PATL1: variants seen among roughly 807,000 people sequenced by gnomAD.
PATL1 encodes protein PAT1 homolog 1.
In PATL1, 32 loss-of-function variants were observed where a neutral mutation model predicts 100.6. The ratio of observed to expected loss-of-function variants is 0.32; its 90% CI spans 0.24 to 0.43. The LOEUF (loss-of-function observed/expected upper bound fraction) is 0.43, where lower values mean the gene tolerates loss of function less well. Among genes scored for constraint, PATL1 ranks in the 20% least tolerant of loss-of-function variants. The pLI is 1.00. For synonymous variants in PATL1, 332 were observed against 330.0 expected (o/e 1.01, Z -0.07); for missense variants, 747 against 949.9 (o/e 0.79, Z 2.81).
rs201949177 is a variant in PATL1, at chr11:59,652,530, G to A, written c.1360C>T (p.Pro454Ser). The A allele has an allele frequency of 6.2e-7, 1 of 1,613,664 alleles. No homozygotes were observed. The highest frequency in any genetic ancestry group is 8.5e-7 in the Non-Finnish European group (1 of 1,179,788). ...SAAEEIQGDGPKKERTKLITP... is the reference protein window; with the variant it reads ...SAAEEIQGDGSKKERTKLITP... ...ATAAGCTTGGTGCGCTCCTTCTTAG[G>A]GCCATCACCTTGTATTTCTTCAGCA... The change falls in exon 11 of 19, where the codon CCT becomes TCT. Residue 454 changes from proline (P) to serine (S), a missense_variant. This residue lies in a region of PATL1 where 434 missense variants were observed against 596.1 expected (regional missense o/e 0.73). Transcript: ENST00000300146.
intron 15 of PATL1, among the ~76,000 whole-genome samples, chr11:59,643,304 A>G (rs1175418774): frequency 6.6e-6 from 1 of 152,120 alleles, no homozygotes; most frequent in Non-Finnish European, 1.5e-5. Context: ...ATGCTAAAAC[A>G]TCAATATTTT....
intron 3 of PATL1, 66 bp downstream of exon 3, chr11:59,659,186 C>A: frequency 7.3e-7 from 1 of 1,373,382 alleles, no homozygotes; most frequent in Non-Finnish European, 1.0e-6. Flanking sequence ...AATAAAATGG[C>A]AAAGTTCAAT....
chr11:59,656,077 A>G lies in PATL1; in HGVS notation c.724-32T>C. The G allele has an allele frequency of 4.1e-6, 5 of 1,212,630 alleles. No individual in the cohort carries two copies. The South Asian group carries it at 7.0e-5, about 17-fold the overall frequency. 75.1% of individuals were successfully genotyped at this position (1,212,630 alleles called of 1,614,324 possible). ...TAAAAAAAAAAAAAAAAAAAAGAAT[A>G]TGCTATAAAACAGGGGGTACATCAT... On this transcript the variant is annotated intron_variant, in intron 6 of 18. Coordinates refer to ENST00000300146, the MANE Select transcript of PATL1 (RefSeq NM_152716.3).
intron 15 of PATL1, among the ~76,000 whole-genome samples, chr11:59,645,700 T>C (rs1861355221): frequency 6.6e-6 from 1 of 152,178 alleles, no homozygotes; most frequent in Non-Finnish European, 1.5e-5. Flanking sequence ...ATATATTTGA[T>C]ATATTTCAAT....
intron 15 of PATL1, among the ~76,000 whole-genome samples, chr11:59,647,241 A>C (rs1380354007): frequency 6.6e-6 from 1 of 151,842 alleles, no homozygotes; most frequent in Non-Finnish European, 1.5e-5. Context: ...AAAAAAAAAA[A>C]AAACCAAAAG....
intron 4 of PATL1, among the ~76,000 whole-genome samples, chr11:59,658,159 G>A (rs1861564947): frequency 7.0e-6 from 1 of 143,310 alleles, no homozygotes; most frequent in Non-Finnish European, 1.5e-5. Flanking sequence ...GCAAGACCTG[G>A]TCTCAAAAAA....
At chr11:59,641,287 C>T (rs1418290221) in intron 16 of PATL1, among the ~76,000 whole-genome samples, 1 of 151,942 alleles carries the variant, frequency 6.6e-6, no homozygotes, top group East Asian at 1.9e-4. Context: ...TGCCACTGCA[C>T]TGAAGCCTGG....
Position 59,655,950 on chromosome 11 carries a change from G to A in PATL1, c.813+6C>T, listed in dbSNP as rs1861523440. 2.5e-6 allele frequency: 4 copies of A among 1,578,074 alleles called. No individual in the cohort carries two copies. Among genetic ancestry groups the A allele is most frequent in the Non-Finnish European group, 3.5e-6 (4 of 1,158,248 alleles). Reference sequence around the variant, plus strand: ...TCTTTATGGGTAGGGCTAATCACAGGCTTACCTGTGCTCCTCCAAGAAGCT... The same window carrying A: ...TCTTTATGGGTAGGGCTAATCACAGACTTACCTGTGCTCCTCCAAGAAGCT... On this transcript the variant is annotated splice_donor_region_variant and intron_variant, in intron 7 of 18. Transcript: ENST00000300146.
chr11:59,652,797 G>T, intron 10 of PATL1, 41 bp downstream of exon 10: 1 of 1,594,456 alleles, frequency 6.3e-7, no homozygotes, highest in Non-Finnish European at 8.6e-7. Context: ...CCAGTGTAGG[G>T]GACCAAACTA....
At chr11:59,655,501 C>T (rs755559530) in intron 8 of PATL1, 22 bp downstream of exon 8, 4 of 1,517,598 alleles carry the variant, frequency 2.6e-6, no homozygotes, top group African/African-American at 2.8e-5. Context: ...AACTGATAAA[C>T]AGTGGCGTTG....
intron 2 of PATL1, among the ~76,000 whole-genome samples, chr11:59,664,433 T>C (rs1364597862): frequency 1.3e-5 from 2 of 152,224 alleles, no homozygotes; most frequent in Admixed American, 6.5e-5. Flanking sequence ...TTTTAATGTC[T>C]ATAAATCAAT....
intron 4 of PATL1, among the ~76,000 whole-genome samples, chr11:59,658,190 G>A (rs1322290104): frequency 6.6e-6 from 1 of 151,662 alleles, no homozygotes; most frequent in Non-Finnish European, 1.5e-5. Flanking sequence ...AAGAAAGAGA[G>A]AGCAAGAACA....
At chr11:59,652,345 T>C in intron 11 of PATL1, 119 bp downstream of exon 11, 1 of 1,386,704 alleles carries the variant, frequency 7.2e-7, no homozygotes, top group Non-Finnish European at 9.6e-7. Context: ...ATGGTACTTT[T>C]AAAATCACTT....
In PATL1 at chr11:59,638,331, G is replaced by C; in HGVS notation, c.*59C>G. The C allele has an allele frequency of 6.5e-7, 1 of 1,544,050 alleles. No individual in the cohort carries two copies. The stretch of plus-strand genomic sequence containing the variant: ...TTCCCTCATTAAAAACACTCCATTG[G>C]TGATGGCAGCAGTGCAGGTGGCAGC... On this transcript the variant is annotated 3_prime_UTR_variant, in exon 19 of 19. Coordinates refer to ENST00000300146, the MANE Select transcript of PATL1 (RefSeq NM_152716.3).
chr11:59,661,094 T>C (rs889964087), intron 2 of PATL1, among the ~76,000 whole-genome samples: 3 of 152,164 alleles, frequency 2.0e-5, no homozygotes, highest in African/African-American at 7.2e-5. Context: ...AGTATTTTTA[T>C]TTTTATTTTT....
Position 59,655,565 on chromosome 11 carries a change from T to C in PATL1, c.989A>G (p.Gln330Arg), listed in dbSNP as rs1826277857. The change falls in exon 8 of 19, where the codon CAG becomes CGG. Residue 330 changes from glutamine to arginine, a missense_variant. Physicochemically the swap from Gln to Arg is conservative, Grantham distance 43. Transcript: ENST00000300146. ...SAPPSATPPP[Q>R]QHPPGPGPHL... ...GGGTCCTGGGCCAGGAGGGTGCTGCTGTGGAGGTGGTGTAGCGGAGGGTGG... is the reference window on the plus strand; with the variant it reads ...GGGTCCTGGGCCAGGAGGGTGCTGCCGTGGAGGTGGTGTAGCGGAGGGTGG... The C allele has an allele frequency of 1.9e-6, 3 of 1,589,476 alleles. No homozygotes were observed. Among genetic ancestry groups the C allele is most frequent in the Non-Finnish European group, 2.6e-6 (3 of 1,167,530 alleles).
At chr11:59,638,620 A>C (rs1358489222) in intron 18 of PATL1, among the ~76,000 whole-genome samples, 5 of 152,102 alleles carry the variant, frequency 3.3e-5, no homozygotes, top group Non-Finnish European at 7.4e-5. Flanking sequence ...ATAGTTAATA[A>C]AAAGTCAATC....
chr11:59,663,709 A>AAATAGTG (rs1363549409), intron 2 of PATL1, among the ~76,000 whole-genome samples: 4 of 152,180 alleles, frequency 2.6e-5, no homozygotes, highest in Non-Finnish European at 5.9e-5. Flanking sequence ...GATGATGCAA[A>AAATAGTG]CATTTTTTCA....
intron 14 of PATL1, among the ~76,000 whole-genome samples, chr11:59,649,063 C>T (rs1861403455): frequency 1.3e-5 from 2 of 151,984 alleles, no homozygotes; most frequent in Admixed American, 1.3e-4. Flanking sequence ...GTGGAAATCC[C>T]AGGAAGTATA....
Sources: allele counts gnomAD v4.1 joint callset (sites outside exome capture counted in the v4.1 genomes callset), GRCh38; gene constraint gnomAD v4.1.1; regional missense constraint gnomAD v4.1.1; transcripts MANE v1.5; gene names NCBI Gene and HGNC (gene_info 2026-07-23, HGNC 2026-07-21).